TMEM181: variants seen among roughly 807,000 people sequenced by gnomAD.
The protein encoded by TMEM181 is transmembrane protein 181.
In TMEM181, 39 loss-of-function variants were observed where a neutral mutation model predicts 71.9. The observed-to-expected ratio is 0.54, with a 90% CI of 0.42 to 0.71. TMEM181 has a LOEUF of 0.71. TMEM181 is among the 30% of genes least tolerant of loss of function. TMEM181 has a pLI of 0.00. For synonymous variants in TMEM181, 245 were observed against 228.8 expected (o/e 1.07, Z -0.64); for missense variants, 595 against 583.0 (o/e 1.02, Z -0.21).
At chr6:158,631,422 C>G (rs751976833) in intron 16 of TMEM181, 33 bp downstream of exon 16, 2 of 1,607,988 alleles carry the variant, frequency 1.2e-6, no homozygotes, top group South Asian at 2.2e-5. Flanking sequence ...GCCGGCACAC[C>G]TTGGGCATCC....
intron 13 of TMEM181, among the ~76,000 whole-genome samples, chr6:158,626,868 TCACTCTCA>T (rs1423500731): frequency 3.7e-5 from 5 of 136,274 alleles, no homozygotes; most frequent in Admixed American, 7.2e-5. Flanking sequence ...CCTCACACCC[TCACTCTCA>T]CACTCTCACA....
intron 6 of TMEM181, among the ~76,000 whole-genome samples, chr6:158,593,914 C>G (rs555144068): frequency 6.6e-6 from 1 of 152,030 alleles, no homozygotes; most frequent in Non-Finnish European, 1.5e-5. Context: ...TGACACACCA[C>G]CCAGAGCCCA....
chr6:158,613,085 T>TG (rs1253234399), intron 10 of TMEM181, among the ~76,000 whole-genome samples: 2 of 152,222 alleles, frequency 1.3e-5, no homozygotes, highest in Non-Finnish European at 1.5e-5. Flanking sequence ...GACGTTCCTC[T>TG]GGGCTGTTGG....
At chr6:158,567,522 G>C (rs764127213) in intron 1 of TMEM181, among the ~76,000 whole-genome samples, 4 of 152,230 alleles carry the variant, frequency 2.6e-5, no homozygotes, top group Non-Finnish European at 5.9e-5. Flanking sequence ...TGGAGGGTGA[G>C]GGAACACTTC....
At chr6:158,556,531 A>G (rs1781893027), upstream of TMEM181, among the ~76,000 whole-genome samples, 3 of 152,228 alleles carry the variant, frequency 2.0e-5, no homozygotes, top group South Asian at 6.2e-4. Context: ...GGGGAGGATT[A>G]CATAATTGTT....
In TMEM181 at chr6:158,608,769, TG is replaced by T; in HGVS notation, c.896+20del. On this transcript the variant is annotated intron_variant, in intron 10 of 16. Transcript: ENST00000684151. The stretch of plus-strand genomic sequence containing the variant: ...GGCAAACGTGAGTAATTCTATTATG[TG>T]TGAAACTTCAGTCATGAAAAGCATT... The T allele has an allele frequency of 6.2e-7, 1 of 1,601,396 alleles. No individual in the cohort carries two copies. The highest frequency in any genetic ancestry group is 8.5e-7 in the Non-Finnish European group (1 of 1,174,894).
At chr6:158,537,542 T>G (rs1464938135) in intron 1 of TMEM181, among the ~76,000 whole-genome samples, 1 of 151,870 alleles carries the variant, frequency 6.6e-6, no homozygotes, top group Non-Finnish European at 1.5e-5. Flanking sequence ...GCCCCCTTCC[T>G]CTCTGCGCTC....
At chr6:158,558,384 A>G (rs1377354780), upstream of TMEM181, among the ~76,000 whole-genome samples, 1 of 152,238 alleles carries the variant, frequency 6.6e-6, no homozygotes, top group Non-Finnish European at 1.5e-5. Context: ...CGAAAGACAA[A>G]ATGACAGCAA....
rs775804082 is a variant in TMEM181, at chr6:158,632,240, G to A, written c.*352G>A. 2.8e-5 allele frequency: 7 copies of A among 250,412 alleles called. No individual in the cohort carries two copies. The highest frequency in any genetic ancestry group is 9.2e-5 in the South Asian group (2 of 21,824). 15.5% of individuals were successfully genotyped at this position (250,412 alleles called of 1,614,324 possible). A position where few individuals can be genotyped will look rare whatever the true frequency, so the allele number is the denominator to read the frequency against. On this transcript the variant is annotated 3_prime_UTR_variant, in exon 17 of 17. Transcript: ENST00000684151. ...AATCATTCACTGATTCCAAGTTCAC[G>A]GGCAGCCTGTGACTAGGTCCTCAGC...
In TMEM181 at chr6:158,560,117, A is replaced by G. The variant is rs966800344; in HGVS notation, c.-108A>G. ...AGTTTTCCGCGGCCGGCCGCTGCTC[A>G]GCCGCTGTCGCTCCGGCTCCGGCTG... On this transcript the variant is annotated 5_prime_UTR_variant, in exon 1 of 17. Coordinates refer to ENST00000684151, the MANE Select transcript of TMEM181 (RefSeq NM_001376852.1). 3.7e-5 allele frequency: 36 copies of G among 984,750 alleles called. No homozygotes were observed. Among genetic ancestry groups the G allele is most frequent in the Non-Finnish European group, 4.2e-5 (35 of 829,734 alleles). 61.0% of individuals were successfully genotyped at this position (984,750 alleles called of 1,614,324 possible). A position where few individuals can be genotyped will look rare whatever the true frequency, so the allele number is the denominator to read the frequency against.
intron 14 of TMEM181, among the ~76,000 whole-genome samples, chr6:158,629,103 C>T (rs758702543): frequency 2.6e-5 from 4 of 152,202 alleles, no homozygotes; most frequent in Middle Eastern, 3.2e-3. Context: ...GCCCTGGCCT[C>T]GCCCAGAAGT....
chr6:158,627,864 G>A (rs1050409155), intron 13 of TMEM181, among the ~76,000 whole-genome samples: 1 of 152,192 alleles, frequency 6.6e-6, no homozygotes, highest in African/African-American at 2.4e-5. Flanking sequence ...TGGGGGAGGA[G>A]CCTGTGGACC....
At chr6:158,571,924 T>G (rs1436476598) in intron 1 of TMEM181, among the ~76,000 whole-genome samples, 1 of 152,260 alleles carries the variant, frequency 6.6e-6, no homozygotes, top group East Asian at 1.9e-4. Context: ...TCTGAGGATC[T>G]GTCAGGCCCC....
At chr6:158,599,482 G>A (rs1442413589) in intron 6 of TMEM181, among the ~76,000 whole-genome samples, 1 of 152,220 alleles carries the variant, frequency 6.6e-6, no homozygotes, top group African/African-American at 2.4e-5. Context: ...CTAAGCCGGA[G>A]TATTTTCTGG....
intron 6 of TMEM181, among the ~76,000 whole-genome samples, chr6:158,590,757 C>T (rs564560823): frequency 2.6e-5 from 4 of 152,354 alleles, no homozygotes; most frequent in East Asian, 3.9e-4. Flanking sequence ...CCACCGCGCC[C>T]GGCCCATTCA....
chr6:158,631,184 C>G (rs545803739), intron 15 of TMEM181, 139 bp from the exon 16 acceptor site: 1 of 851,270 alleles, frequency 1.2e-6, no homozygotes, highest in South Asian at 1.5e-5. Flanking sequence ...GAGATGTGTT[C>G]AGGTTTATAC....
rs543646658 is a variant in TMEM181 at position 158,576,722 on chromosome 6, G to A, written c.112+3199G>A. ...AAACTCTGAGGAAGGGGAGAGTCTGGTTTCCAGAGGTACATTATTAGATTT... is the reference window on the plus strand; with the variant it reads ...AAACTCTGAGGAAGGGGAGAGTCTGATTTCCAGAGGTACATTATTAGATTT... On this transcript the variant is annotated intron_variant, in intron 2 of 16. Transcript: ENST00000684151. 8.9e-4 allele frequency among the ~76,000 whole-genome samples: 136 copies of A among 152,174 alleles called. 1 individual carries two copies. Among genetic ancestry groups the A allele is most frequent in the Admixed American group, 1.5e-3 (23 of 15,282 alleles).
chr6:158,539,904 C>G (rs138667801), intron 1 of TMEM181, among the ~76,000 whole-genome samples: 1 of 152,194 alleles, frequency 6.6e-6, no homozygotes, highest in African/African-American at 2.4e-5. Flanking sequence ...AAGAAACCCT[C>G]TTCACACGGA....
intron 2 of TMEM181, among the ~76,000 whole-genome samples, chr6:158,578,773 C>T (rs1033336243): frequency 6.6e-6 from 1 of 152,078 alleles, no homozygotes; most frequent in Admixed American, 6.6e-5. Flanking sequence ...ATAAACTCTC[C>T]AATTAAAAAG....
Sources: allele counts gnomAD v4.1 joint callset (sites outside exome capture counted in the v4.1 genomes callset), GRCh38; gene constraint gnomAD v4.1.1; transcripts MANE v1.5; gene names NCBI Gene and HGNC (gene_info 2026-07-23, HGNC 2026-07-21).